The following MCTP1 variants were observed in gnomAD, a reference collection of about 807,000 sequenced individuals.
MCTP1 encodes multiple C2 and transmembrane domain containing 1, also known as multiple C2 and transmembrane domain-containing protein 1.
MCTP1 carries 69 observed loss-of-function variants against 120.6 expected under a neutral mutation model. The ratio of observed to expected loss-of-function variants is 0.57; its 90% confidence interval spans 0.47 to 0.70. The LOEUF is 0.70. MCTP1 is among the 30% of genes least tolerant of loss of function. The probability of loss-of-function intolerance (pLI) is 0.00; values close to 1 mark genes in which losing one functional copy is unlikely to be tolerated. For missense variants in MCTP1, 1,203 were observed against 1,248.8 expected, an observed-to-expected ratio of 0.96 and a Z score of 0.55; for synonymous variants, 529 against 493.1, an observed-to-expected ratio of 1.07 and a Z score of -0.96.
intron 1 of MCTP1, among the ~76,000 whole-genome samples, chr5:95,062,992 A>AT (rs1214520580): frequency 2.0e-5 from 3 of 151,648 alleles, no homozygotes; most frequent in East Asian, 3.9e-4. Context: ...CTAATTTTTT[A>AT]TTTTTTGTAG....
chr5:95,270,191 T>C (rs563762076), intron 1 of MCTP1, among the ~76,000 whole-genome samples: 204 of 152,310 alleles, frequency 1.3e-3, no homozygotes, highest in African/African-American at 4.1e-3. Context: ...CTTGGGATTA[T>C]ATTTTCCTAA....
intron 1 of MCTP1, among the ~76,000 whole-genome samples, chr5:95,100,911 T>G (rs1371498735): frequency 2.0e-5 from 3 of 152,150 alleles, no homozygotes; most frequent in Admixed American, 2.0e-4. Context: ...ATAGAGAAAA[T>G]ATTTATTCCA....
At chr5:95,212,953 C>T (rs899791495) in intron 1 of MCTP1, among the ~76,000 whole-genome samples, 1 of 152,138 alleles carries the variant, frequency 6.6e-6, no homozygotes, top group East Asian at 1.9e-4. Context: ...AAAACCGGCA[C>T]AAGACAGGGA....
At chr5:94,834,930 C>G (rs565297940) in intron 17 of MCTP1, among the ~76,000 whole-genome samples, 20 of 149,826 alleles carry the variant, frequency 1.3e-4, no homozygotes, top group African/African-American at 4.4e-4. Context: ...TTCAGCAATT[C>G]TCCTGCCTCA....
chr5:95,129,857 C>T (rs991868012), intron 1 of MCTP1, among the ~76,000 whole-genome samples: 7 of 152,058 alleles, frequency 4.6e-5, no homozygotes, highest in African/African-American at 9.7e-5. Context: ...GACAGGGTTT[C>T]GCTGTGTTGG....
chr5:94,923,550 T>C (rs1013985081), intron 7 of MCTP1, among the ~76,000 whole-genome samples: 1 of 152,166 alleles, frequency 6.6e-6, no homozygotes, highest in African/African-American at 2.4e-5. Flanking sequence ...GACAGAGTTA[T>C]AGTATAGATC....
intron 10 of MCTP1, among the ~76,000 whole-genome samples, chr5:94,908,109 A>T (rs1436447089): frequency 6.6e-6 from 1 of 152,134 alleles, no homozygotes; most frequent in Non-Finnish European, 1.5e-5. Context: ...AAATGCATTT[A>T]ATGTATTAAC....
chr5:95,084,828 G>T (rs1755306487), intron 1 of MCTP1, among the ~76,000 whole-genome samples: 1 of 151,898 alleles, frequency 6.6e-6, no homozygotes, highest in Admixed American at 6.6e-5. Context: ...ATTATCTTAG[G>T]TATGCTCATC....
At chr5:94,817,584 T>G (rs1580840572) in intron 17 of MCTP1, among the ~76,000 whole-genome samples, 1 of 152,292 alleles carries the variant, frequency 6.6e-6, no homozygotes, top group East Asian at 1.9e-4. Context: ...TTCTGAGGGA[T>G]TTTTCCTATT....
At chr5:94,932,597 G>C (rs149561606) in intron 5 of MCTP1, among the ~76,000 whole-genome samples, 78 of 152,080 alleles carry the variant, frequency 5.1e-4, no homozygotes, top group Middle Eastern at 3.4e-3. Flanking sequence ...TTTTAATTAA[G>C]GTTCTAGAGC....
At chr5:94,982,548 TG>T (rs1330278885) in intron 2 of MCTP1, among the ~76,000 whole-genome samples, 2 of 151,954 alleles carry the variant, frequency 1.3e-5, no homozygotes, top group African/African-American at 4.8e-5. Context: ...GTTACTTATA[TG>T]GCAAAAGGGA....
At chr5:94,853,535 A>G (rs1414857247) in intron 17 of MCTP1, among the ~76,000 whole-genome samples, 1 of 151,934 alleles carries the variant, frequency 6.6e-6, no homozygotes, top group African/African-American at 2.4e-5. Flanking sequence ...TATTGCATAG[A>G]GAAAGGTGCA....
At chr5:94,825,572 T>G (rs560394779) in intron 17 of MCTP1, among the ~76,000 whole-genome samples, 64 of 152,302 alleles carry the variant, frequency 4.2e-4, no homozygotes, top group African/African-American at 1.5e-3. Context: ...GGTCCAGAGC[T>G]GAGTTCAAGT....
chr5:95,202,764 G>A (rs973341414), intron 1 of MCTP1, among the ~76,000 whole-genome samples: 2 of 151,728 alleles, frequency 1.3e-5, no homozygotes, highest in African/African-American at 4.8e-5. Context: ...GTCTTGCTCT[G>A]TTGCCCAGGC....
intron 1 of MCTP1, among the ~76,000 whole-genome samples, chr5:95,038,616 A>C (rs1431001346): frequency 6.6e-6 from 1 of 152,218 alleles, no homozygotes; most frequent in African/African-American, 2.4e-5. Context: ...CATGGAAGGC[A>C]TATTAGTGAT....
At chr5:95,042,117 G>A (rs73138075) in intron 1 of MCTP1, among the ~76,000 whole-genome samples, 22 of 152,242 alleles carry the variant, frequency 1.4e-4, no homozygotes, top group African/African-American at 4.6e-4. Flanking sequence ...CAGTGTAGTC[G>A]TTTGAAAAGT....
At chr5:94,892,278 G>A (rs550003571) in intron 11 of MCTP1, among the ~76,000 whole-genome samples, 95 of 152,238 alleles carry the variant, frequency 6.2e-4, no homozygotes, top group Admixed American at 1.6e-3. Flanking sequence ...CAAGCCCATC[G>A]TCTCACGGTG....
chr5:94,972,935 C>T (rs1044655243), intron 2 of MCTP1, among the ~76,000 whole-genome samples: 33 of 141,676 alleles, frequency 2.3e-4, no homozygotes, highest in African/African-American at 8.0e-4. Context: ...ACTAAATGAA[C>T]AAAAAAAAAA....
intron 19 of MCTP1, among the ~76,000 whole-genome samples, chr5:94,778,111 G>C (rs1775810885): frequency 6.6e-6 from 1 of 151,696 alleles, no homozygotes; most frequent in South Asian, 2.1e-4. Flanking sequence ...TCTTACACTG[G>C]GATATAACTG....
Sources: allele counts gnomAD v4.1 joint callset (sites outside exome capture counted in the v4.1 genomes callset), GRCh38; gene constraint gnomAD v4.1.1; transcripts MANE v1.5; gene names NCBI Gene and HGNC (gene_info 2026-07-23, HGNC 2026-07-21).